Variants in DZIP3 observed in about 807,000 individuals in gnomAD.
DZIP3 encodes E3 ubiquitin-protein ligase DZIP3.
Under a neutral mutation model 162.0 loss-of-function variants are expected in DZIP3, and 118 were observed. The observed-to-expected ratio is 0.73, with a 90% CI of 0.63 to 0.85. The LOEUF (loss-of-function observed/expected upper bound fraction) is 0.85, where lower values mean the gene tolerates loss of function less well. Among genes scored for constraint, DZIP3 ranks in the 40% least tolerant of loss-of-function variants. The pLI is 0.00. For missense variants in DZIP3, 1,331 were observed against 1,407.0 expected, an observed-to-expected ratio of 0.95 and a Z score of 0.86; for synonymous variants, 438 against 458.6, an observed-to-expected ratio of 0.96 and a Z score of 0.57.
intron 1 of DZIP3, chr3:108,590,072 G>T (rs1939296764): frequency 6.6e-6 from 1 of 152,146 alleles, no homozygotes; most frequent in African/African-American, 2.4e-5. Context: ...GCTCCGGAGG[G>T]TGTTACTCGT....
chr3:108,632,421 A>T (rs779258981), intron 8 of DZIP3, among the ~76,000 whole-genome samples: 2 of 152,152 alleles, frequency 1.3e-5, no homozygotes, highest in Non-Finnish European at 2.9e-5. Flanking sequence ...TCAGTATTTT[A>T]AAATGAGAAA....
At chr3:108,629,680 ATGT>A (rs1367550447) in intron 8 of DZIP3, among the ~76,000 whole-genome samples, 3 of 151,990 alleles carry the variant, frequency 2.0e-5, no homozygotes, top group Admixed American at 6.5e-5. Context: ...TTAAGTTGTG[ATGT>A]TGTGCACACT....
chr3:108,609,218 T>C (rs1940562290), intron 3 of DZIP3, among the ~76,000 whole-genome samples: 1 of 152,056 alleles, frequency 6.6e-6, no homozygotes. Flanking sequence ...TGCAGGAACA[T>C]GGGTAGGAAA....
chr3:108,671,854 CA>C (rs1943937871), intron 22 of DZIP3, among the ~76,000 whole-genome samples: 1 of 151,882 alleles, frequency 6.6e-6, no homozygotes, highest in African/African-American at 2.4e-5. Context: ...CCATTTTCCT[CA>C]TTTTTACATG....
At chr3:108,667,643 T>G (rs1943737658) in intron 21 of DZIP3, among the ~76,000 whole-genome samples, 1 of 152,080 alleles carries the variant, frequency 6.6e-6, no homozygotes. Context: ...GGGGAGAAAT[T>G]GGGGAAAGGA....
intron 23 of DZIP3, among the ~76,000 whole-genome samples, chr3:108,672,998 A>G (rs1382979729): frequency 3.3e-5 from 5 of 151,926 alleles, no homozygotes; most frequent in Admixed American, 1.3e-4. Context: ...TGCTGCCACA[A>G]TATCTTCTTT....
chr3:108,680,914 T>G (rs2107394781), intron 26 of DZIP3, among the ~76,000 whole-genome samples: 1 of 152,242 alleles, frequency 6.6e-6, no homozygotes, highest in South Asian at 2.1e-4. Context: ...CAGCAAAAAC[T>G]GGAACCCTTC....
Position 108,630,143 on chromosome 3 carries a change from C to T in DZIP3, c.696+967C>T, listed in dbSNP as rs180883681. Among the ~76,000 whole-genome samples the T allele has an allele frequency of 1.5e-3, 227 of 152,132 alleles. 1 individual carries two copies. Among genetic ancestry groups the T allele is most frequent in the Non-Finnish European group, 2.5e-3 (167 of 67,938 alleles). On this transcript the variant is annotated intron_variant, in intron 8 of 32. Transcript: ENST00000361582. ...TGTGAGACTTTTCATTTTCCCACACCTTCTGGGTGTTCTTTACCTTTTGGG... is the reference window on the plus strand; with the variant it reads ...TGTGAGACTTTTCATTTTCCCACACTTTCTGGGTGTTCTTTACCTTTTGGG...
At chr3:108,670,828 A>G (rs1326779645) in intron 22 of DZIP3, among the ~76,000 whole-genome samples, 1 of 151,824 alleles carries the variant, frequency 6.6e-6, no homozygotes, top group Non-Finnish European at 1.5e-5. Context: ...CCATTGTATT[A>G]TGTGTGAAGT....
chr3:108,660,836 A>T (rs970037605), intron 19 of DZIP3, among the ~76,000 whole-genome samples: 1 of 152,240 alleles, frequency 6.6e-6, no homozygotes, highest in Non-Finnish European at 1.5e-5. Flanking sequence ...ATATGAACAG[A>T]CACTTCTCAA....
At chr3:108,628,336 A>G (rs543290428) in intron 7 of DZIP3, among the ~76,000 whole-genome samples, 8 of 152,310 alleles carry the variant, frequency 5.3e-5, no homozygotes, top group African/African-American at 1.2e-4. Flanking sequence ...TAAGGATTCA[A>G]TATTTCTAAG....
At chr3:108,660,361 A>C (rs6762601) in intron 19 of DZIP3, among the ~76,000 whole-genome samples, 151,727 of 152,274 alleles carry the variant, frequency 1, 75,593 homozygotes, top group Middle Eastern at 1. Flanking sequence ...TGATCTTTGA[A>C]AAACCTGACA....
intron 21 of DZIP3, among the ~76,000 whole-genome samples, chr3:108,665,265 G>C (rs1943620040): frequency 6.6e-6 from 1 of 152,026 alleles, no homozygotes; most frequent in South Asian, 2.1e-4. Context: ...ATCTCAGTAA[G>C]GAAATAAGTT....
chr3:108,651,976 A>G (rs1240651820), intron 18 of DZIP3, among the ~76,000 whole-genome samples: 1 of 151,374 alleles, frequency 6.6e-6, no homozygotes, highest in Admixed American at 6.6e-5. Flanking sequence ...CTTGGTATAT[A>G]AAATAGTTCA....
rs769616803 is a variant in DZIP3, at chr3:108,629,121, A to T, written c.641A>T (p.Asp214Val). 12 of 1,605,354 alleles carry T rather than the reference A, an allele frequency of 7.5e-6. No individual in the cohort carries two copies. The South Asian group carries it at 1.2e-4, about 17-fold the overall frequency. Residue 214 changes from aspartate to valine, a missense_variant, in exon 8 of 33, where the codon GAC becomes GTC. Physicochemically the swap from Asp to Val is radical, Grantham distance 152 (BLOSUM62 -3). Around this residue, in one of 2 missense-constraint regions of DZIP3, gnomAD observed 1,278 missense variants for 1,317.1 expected, o/e 0.97. Coordinates refer to ENST00000361582, the MANE Select transcript of DZIP3 (RefSeq NM_014648.4). ...KSLQEIGDKN[D>V]HWFDIDPTED... ...TTACAAGAAATTGGAGACAAAAATG[A>T]CCATTGGTTTGACATAGATCCTACA...
chr3:108,679,732 T>C (rs993925340), intron 26 of DZIP3, among the ~76,000 whole-genome samples: 1 of 152,124 alleles, frequency 6.6e-6, no homozygotes, highest in Non-Finnish European at 1.5e-5. Flanking sequence ...TCTTCTGGAC[T>C]TTTGATTTCC....
rs1431128202 is a variant in DZIP3, at chr3:108,661,289, G to A, written c.2200-588G>A. ...AGGAAATGTGGCACATATACACCACGGAATACTATGCAGCCATAAAAAATG... is the reference window on the plus strand; with the variant it reads ...AGGAAATGTGGCACATATACACCACAGAATACTATGCAGCCATAAAAAATG... On this transcript the variant is annotated intron_variant, in intron 19 of 32. Transcript: ENST00000361582. Among the ~76,000 whole-genome samples, 17 of 152,246 alleles carry A rather than the reference G, an allele frequency of 1.1e-4. No individual in the cohort carries two copies. The South Asian group carries it at 1.9e-3, about 17-fold the overall frequency.
At chr3:108,591,978 CAA>C (rs34569028) in intron 1 of DZIP3, among the ~76,000 whole-genome samples, 2,907 of 110,296 alleles carry the variant, frequency 0.026, 99 homozygotes, top group African/African-American at 0.087. Context: ...GAGACCCTGT[CAA>C]AAAAAAAAAA....
chr3:108,661,639 T>A (rs560205031), intron 19 of DZIP3, among the ~76,000 whole-genome samples: 2,279 of 150,802 alleles, frequency 0.015, 59 homozygotes, highest in African/African-American at 0.053. Context: ...GTATAATAAT[T>A]AAAAAAAAAG....
Sources: gnomAD v4.1 joint callset for allele counts (sites outside exome capture counted in the v4.1 genomes callset) on GRCh38, gnomAD v4.1.1 for gene constraint, gnomAD v4.1.1 regional missense constraint, MANE v1.5 for transcripts, NCBI Gene and HGNC (gene_info 2026-07-23, HGNC 2026-07-21) for gene names.